CD58: variants seen among roughly 807,000 people sequenced by gnomAD.
CD58 encodes the protein CD58 molecule.
Under a neutral mutation model 27.6 loss-of-function variants are expected in CD58, and 14 were observed. The observed-to-expected ratio is 0.51, with a 90% CI of 0.34 to 0.79. The LOEUF is 0.79. Ranked by LOEUF, CD58 falls within the 30% of genes least tolerant of loss-of-function variation. The pLI is 0.02. For synonymous variants in CD58, 117 were observed against 103.8 expected (o/e 1.13, Z -0.77); for missense variants, 268 against 301.7 (o/e 0.89, Z 0.83).
Position 116,570,931 on chromosome 1 carries a change from G to A in CD58, c.42C>T (p.Leu14=). The part of the protein sequence containing the change: ...GSDAGRALGV[L]SVVCLLHCFG... ...AGCAGTGCAGCAGGCAGACCACGCT[G>A]AGGACCCCCAGGGCCCGCCCCGCGT... Residue 14 remains leucine (L), a synonymous_variant, in exon 1 of 6, where the codon CTC becomes CTT. Coordinates refer to ENST00000369489, the MANE Select transcript of CD58 (RefSeq NM_001779.3). The surrounding 1 kb of genome is among the most constrained non-coding windows in gnomAD (Gnocchi z 6.4). 6.4e-7 allele frequency: 1 copy of A among 1,569,614 alleles called. No homozygotes were observed. The highest frequency in any genetic ancestry group is 1.8e-5 in the Admixed American group (1 of 54,186).
intron 1 of CD58, among the ~76,000 whole-genome samples, chr1:116,553,883 T>C (rs1337483561): frequency 1.3e-5 from 2 of 151,568 alleles, no homozygotes; most frequent in Non-Finnish European, 2.9e-5. Flanking sequence ...GAGAGAGACC[T>C]GGGAAGTAGA....
In CD58 at chr1:116,570,998, A is replaced by T. The variant is rs1287329321; in HGVS notation, c.-26T>A. On this transcript the variant is annotated 5_prime_UTR_variant, in exon 1 of 6. Coordinates refer to ENST00000369489, the MANE Select transcript of CD58 (RefSeq NM_001779.3). This position sits in a 1 kb window ranked among gnomAD's most constrained non-coding sequence, Gnocchi z 6.4. Reference sequence around the variant, plus strand: ...GGCTCGTCGGGCCGGCCTCTGCGCGAGTGCCCAGCCACAAGCAGCCCTAAG... The same window carrying T: ...GGCTCGTCGGGCCGGCCTCTGCGCGTGTGCCCAGCCACAAGCAGCCCTAAG... 6.5e-7 allele frequency: 1 copy of T among 1,531,118 alleles called. No individual in the cohort carries two copies. The highest frequency in any genetic ancestry group is 2.0e-5 in the Admixed American group (1 of 50,334). The allele number at this position is 1,531,118 out of a possible 1,614,324, so 94.8% of individuals were successfully genotyped here. A position where few individuals can be genotyped will look rare whatever the true frequency, so the allele number is the denominator to read the frequency against.
At position 116,570,307 on chromosome 1, in the gene CD58, G is replaced by A. The variant is rs1659096833; in HGVS notation, c.70+596C>T. Among the ~76,000 whole-genome samples, 1 of 152,222 alleles carries A rather than the reference G, an allele frequency of 6.6e-6. No individual in the cohort carries two copies. Among genetic ancestry groups the A allele is most frequent in the Admixed American group, 6.5e-5 (1 of 15,288 alleles). ...TTTTAGGATTTGAGGGGAGGAAAAA[G>A]GAGCAGGAGTCGCACCACTTAGGAA... On this transcript the variant is annotated intron_variant, in intron 1 of 5. Coordinates refer to ENST00000369489, the MANE Select transcript of CD58 (RefSeq NM_001779.3). This position sits in a 1 kb window ranked among gnomAD's most constrained non-coding sequence, Gnocchi z 6.4.
chr1:116,535,076 A>G (rs1013497226), intron 3 of CD58, among the ~76,000 whole-genome samples: 1 of 152,240 alleles, frequency 6.6e-6, no homozygotes, highest in South Asian at 2.1e-4. Flanking sequence ...AACTGGGGAT[A>G]TAATGTAAAA....
Position 116,515,763 on chromosome 1 carries a change from C to G in CD58, c.744-941G>C, listed in dbSNP as rs1657058600. ...CCTGCTTCCTTTTTAATTTGGCTAACTTTGTGATCTGTTTTCTAGACACTT... is the reference window on the plus strand; with the variant it reads ...CCTGCTTCCTTTTTAATTTGGCTAAGTTTGTGATCTGTTTTCTAGACACTT... On this transcript the variant is annotated intron_variant, in intron 5 of 5. Transcript: ENST00000369489. This position sits in a 1 kb window ranked among gnomAD's most constrained non-coding sequence, Gnocchi z 4.6. 6.6e-6 allele frequency among the ~76,000 whole-genome samples: 1 copy of G among 152,176 alleles called. No individual in the cohort carries two copies. Among genetic ancestry groups the G allele is most frequent in the South Asian group, 2.1e-4 (1 of 4,830 alleles).
Position 116,570,858 on chromosome 1 carries a change from G to A in CD58, c.70+45C>T. 1 of 1,491,630 alleles carries A rather than the reference G, an allele frequency of 6.7e-7. No homozygotes were observed. The allele number at this position is 1,491,630 out of a possible 1,614,324, so 92.4% of individuals were successfully genotyped here. A position where few individuals can be genotyped will look rare whatever the true frequency, so the allele number is the denominator to read the frequency against. On this transcript the variant is annotated intron_variant, in intron 1 of 5. Transcript: ENST00000369489. This position sits in a 1 kb window ranked among gnomAD's most constrained non-coding sequence, Gnocchi z 6.4. ...GTCCACCCAGCCTGGGTGCTGCCCA[G>A]TACCCGCCGGCCGGCGCGGGGCCCC...
intron 2 of CD58, among the ~76,000 whole-genome samples, chr1:116,542,328 G>C (rs1258202327): frequency 6.6e-6 from 1 of 152,210 alleles, no homozygotes; most frequent in East Asian, 1.9e-4. Context: ...TGGATGTCAA[G>C]TGAAGACAGT....
rs1658599228 is a variant in CD58 at position 116,557,350 on chromosome 1, A to G, written c.71-12746T>C. Among the ~76,000 whole-genome samples, 3 of 152,304 alleles carry G rather than the reference A, an allele frequency of 2.0e-5. No homozygotes were observed. In the South Asian group the frequency reaches 6.2e-4, roughly 32 times the overall value. ...AGGAGCCCTCATATACAACCAAAAC[A>G]GACTCAGTTTTTCAGCCCCACTTTC... On this transcript the variant is annotated intron_variant, in intron 1 of 5. Coordinates refer to ENST00000369489, the MANE Select transcript of CD58 (RefSeq NM_001779.3). This position sits in a 1 kb window ranked among gnomAD's most constrained non-coding sequence, Gnocchi z 5.2.
chr1:116,539,713 C>T (rs900634258), intron 2 of CD58, among the ~76,000 whole-genome samples: 1 of 152,112 alleles, frequency 6.6e-6, no homozygotes, highest in African/African-American at 2.4e-5. Context: ...GTGTGCAAGC[C>T]TTTCTGCAGC....
Position 116,532,855 on chromosome 1 carries a change from C to A in CD58, c.628+3110G>T. On this transcript the variant is annotated intron_variant, in intron 3 of 5. Coordinates refer to ENST00000369489, the MANE Select transcript of CD58 (RefSeq NM_001779.3). This position sits in a 1 kb window ranked among gnomAD's most constrained non-coding sequence, Gnocchi z 5.1. Reference sequence around the variant, plus strand: ...AGTAAGCGCTGTCGACGGGATTGTGCCGCATGCGGCAAAGACTGAGGCCTC... The same window carrying A: ...AGTAAGCGCTGTCGACGGGATTGTGACGCATGCGGCAAAGACTGAGGCCTC... 1.6e-6 allele frequency: 1 copy of A among 628,548 alleles called. No individual in the cohort carries two copies. The highest frequency in any genetic ancestry group is 2.9e-6 in the Non-Finnish European group (1 of 350,014). 38.9% of individuals were successfully genotyped at this position (628,548 alleles called of 1,614,324 possible).
At chr1:116,567,514 T>C (rs1289981992) in intron 1 of CD58, among the ~76,000 whole-genome samples, 1 of 152,118 alleles carries the variant, frequency 6.6e-6, no homozygotes, top group African/African-American at 2.4e-5. Context: ...GGCATGCACC[T>C]GTAGTCCTGG....
chr1:116,571,001 G>A lies in CD58; in HGVS notation c.-29C>T. 1.3e-6 allele frequency: 2 copies of A among 1,526,722 alleles called. No individual in the cohort carries two copies. The highest frequency in any genetic ancestry group is 1.4e-5 in the African/African-American group (1 of 71,808). The allele number at this position is 1,526,722 out of a possible 1,614,324, so 94.6% of individuals were successfully genotyped here. A position where few individuals can be genotyped will look rare whatever the true frequency, so the allele number is the denominator to read the frequency against. ...TCGTCGGGCCGGCCTCTGCGCGAGT[G>A]CCCAGCCACAAGCAGCCCTAAGTTC... On this transcript the variant is annotated 5_prime_UTR_variant, in exon 1 of 6. Coordinates refer to ENST00000369489, the MANE Select transcript of CD58 (RefSeq NM_001779.3).
intron 1 of CD58, among the ~76,000 whole-genome samples, chr1:116,555,137 A>G (rs985817995): frequency 1.3e-5 from 2 of 152,116 alleles, no homozygotes; most frequent in African/African-American, 4.8e-5. Context: ...AAGGGACTGT[A>G]GGGACGCTAA....
In CD58 at chr1:116,570,430, C is replaced by T. The variant is rs1348055272; in HGVS notation, c.70+473G>A. 6.6e-6 allele frequency among the ~76,000 whole-genome samples: 1 copy of T among 152,108 alleles called. No individual in the cohort carries two copies. Among genetic ancestry groups the T allele is most frequent in the Non-Finnish European group, 1.5e-5 (1 of 67,980 alleles). Reference sequence around the variant, plus strand: ...AAGTCCTCTCTGCTGATACGGCGGACGCCGCGCGGGCGGGGACGGCACCGC... The same window carrying T: ...AAGTCCTCTCTGCTGATACGGCGGATGCCGCGCGGGCGGGGACGGCACCGC... On this transcript the variant is annotated intron_variant, in intron 1 of 5. Transcript: ENST00000369489. This position sits in a 1 kb window ranked among gnomAD's most constrained non-coding sequence, Gnocchi z 6.4.
At chr1:116,539,846 CA>C (rs1657938025) in intron 2 of CD58, among the ~76,000 whole-genome samples, 1 of 152,184 alleles carries the variant, frequency 6.6e-6, no homozygotes, top group African/African-American at 2.4e-5. Context: ...CTACTTTAAG[CA>C]GCATTAAACT....
intron 1 of CD58, among the ~76,000 whole-genome samples, chr1:116,555,302 A>T (rs999959310): frequency 6.6e-6 from 1 of 152,112 alleles, no homozygotes; most frequent in Non-Finnish European, 1.5e-5. Flanking sequence ...GTTTGAATAA[A>T]ATTGAGAGTC....
At chr1:116,556,446 A>G (rs1301886852) in intron 1 of CD58, among the ~76,000 whole-genome samples, 1 of 152,124 alleles carries the variant, frequency 6.6e-6, no homozygotes, top group Non-Finnish European at 1.5e-5. Flanking sequence ...TTAGCTTGCT[A>G]CATGGCATAA....
chr1:116,540,356 A>G (rs1657951578), intron 2 of CD58, among the ~76,000 whole-genome samples: 1 of 152,162 alleles, frequency 6.6e-6, no homozygotes, highest in African/African-American at 2.4e-5. Context: ...TTCTTAAAAA[A>G]AAAAAAAAAT....
intron 3 of CD58, among the ~76,000 whole-genome samples, chr1:116,529,570 C>G (rs1657531825): frequency 6.6e-6 from 1 of 152,202 alleles, no homozygotes; most frequent in East Asian, 1.9e-4. Context: ...CAAATCCTGG[C>G]TTTGCTCTTA....
Sources: allele counts gnomAD v4.1 joint callset (sites outside exome capture counted in the v4.1 genomes callset), GRCh38; gene constraint gnomAD v4.1.1; non-coding constraint Gnocchi (gnomAD v3.1); transcripts MANE v1.5; gene names NCBI Gene and HGNC (gene_info 2026-07-23, HGNC 2026-07-21).